RGS22: variants seen among roughly 807,000 people sequenced by gnomAD.
RGS22 encodes regulator of G-protein signaling 22.
A neutral mutation model predicts 172.9 loss-of-function variants in RGS22; 148 were observed. The observed-to-expected ratio is 0.86, with a 90% CI of 0.75 to 0.98. The LOEUF (loss-of-function observed/expected upper bound fraction) is 0.98, where lower values mean the gene tolerates loss of function less well. Ranked by LOEUF, RGS22 falls within the 50% of genes least tolerant of loss-of-function variation. The pLI, the probability that RGS22 is intolerant of heterozygous loss-of-function variation, is 0.00. For missense variants in RGS22, 1,347 were observed against 1,440.8 expected (o/e 0.93, Z 1.05); for synonymous variants, 458 against 480.2 (o/e 0.95, Z 0.60).
intron 22 of RGS22, among the ~76,000 whole-genome samples, chr8:99,980,124 C>A (rs2131195623): frequency 6.6e-6 from 1 of 152,114 alleles, no homozygotes; most frequent in East Asian, 1.9e-4. Flanking sequence ...GAGACAGGAT[C>A]TCACTATATT....
rs185001527 is a variant in RGS22 at position 100,052,751 on chromosome 8, C to T, written c.1689+51G>A. The T allele has an allele frequency of 4.3e-4, 642 of 1,494,618 alleles. 2 individuals are homozygous for T. Among genetic ancestry groups the T allele is most frequent in the Middle Eastern group, 1.2e-3 (7 of 5,764 alleles). The allele number at this position is 1,494,618 out of a possible 1,614,324, so 92.6% of individuals were successfully genotyped here. A position where few individuals can be genotyped will look rare whatever the true frequency, so the allele number is the denominator to read the frequency against. ...ATCAGTGCACAAACACTCAAGCATA[C>T]ATATTTTACTACAAACTTAGTAGAG... is the stretch of plus-strand genomic sequence containing the variant. On this transcript the variant is annotated intron_variant, in intron 10 of 27. Coordinates refer to ENST00000360863, the MANE Select transcript of RGS22 (RefSeq NM_015668.5).
chr8:100,008,231 T>C (rs1815948573), intron 15 of RGS22, 144 bp downstream of exon 15: 6 of 659,642 alleles, frequency 9.1e-6, no homozygotes, highest in African/African-American at 1.9e-5. Flanking sequence ...ACAGATGGGT[T>C]TTCACCACGT....
chr8:100,074,706 G>A (rs1427862561), intron 4 of RGS22, among the ~76,000 whole-genome samples: 2 of 152,016 alleles, frequency 1.3e-5, no homozygotes, highest in Non-Finnish European at 2.9e-5. Context: ...TTGTGATCAT[G>A]AATAAAGCAA....
At position 99,981,943 on chromosome 8, in the gene RGS22, C is replaced by A; in HGVS notation, c.3354G>T (p.Glu1118Asp). The change falls in exon 22 of 28, where the codon GAG becomes GAT. Residue 1118 changes from glutamate (E) to aspartate (D), a missense_variant. Coordinates refer to ENST00000360863, the MANE Select transcript of RGS22 (RefSeq NM_015668.5). ...RKELGPYVFREAQMTIFGVLF... is the reference protein window; with the variant it reads ...RKELGPYVFRDAQMTIFGVLF... ...ACATGCCCTGATCTCTTACCTGTGC[C>A]TCTCTAAATACATATGGTCCTAACT... The A allele has an allele frequency of 6.2e-7, 1 of 1,608,090 alleles. No individual in the cohort carries two copies. The highest frequency in any genetic ancestry group is 8.5e-7 in the Non-Finnish European group (1 of 1,177,646).
intron 23 of RGS22, among the ~76,000 whole-genome samples, chr8:99,971,404 G>A (rs548531406): frequency 1.3e-5 from 2 of 152,232 alleles, no homozygotes; most frequent in Non-Finnish European, 1.5e-5. Context: ...AAGAAATAAA[G>A]GGTATTCAAA....
intron 14 of RGS22, among the ~76,000 whole-genome samples, chr8:100,010,479 C>T (rs1367678353): frequency 6.6e-6 from 1 of 152,028 alleles, no homozygotes; most frequent in Non-Finnish European, 1.5e-5. Flanking sequence ...AGTGAGACTC[C>T]GTCTAAAAAA....
chr8:99,974,791 C>CT (rs1466192026), intron 23 of RGS22, among the ~76,000 whole-genome samples: 1 of 138,836 alleles, frequency 7.2e-6, no homozygotes, highest in African/African-American at 3.0e-5. Context: ...GAGCAAGACT[C>CT]TGTCAAAAAA....
chr8:100,051,485 A>T (rs1167035711), intron 10 of RGS22, among the ~76,000 whole-genome samples: 7 of 84,278 alleles, frequency 8.3e-5, no homozygotes, highest in African/African-American at 2.8e-4. Flanking sequence ...ATATATATTT[A>T]TATATAATAT....
chr8:100,041,556 T>A (rs926175908), intron 12 of RGS22, among the ~76,000 whole-genome samples: 1 of 151,906 alleles, frequency 6.6e-6, no homozygotes, highest in Non-Finnish European at 1.5e-5. Context: ...TCAAGTGTCA[T>A]CATACCAAAA....
chr8:100,066,296 C>G lies in RGS22; in HGVS notation c.595G>C (p.Ala199Pro). The change falls in exon 7 of 28, where the codon GCT (alanine) becomes CCT (proline). Residue 199 changes from alanine (A) to proline (P), a missense_variant and splice_region_variant. Physicochemically the swap from Ala to Pro is conservative, Grantham distance 27. Coordinates refer to ENST00000360863, the MANE Select transcript of RGS22 (RefSeq NM_015668.5). The part of the protein sequence containing the change: ...MKKFYVSLGE[A>P]SYTQTKDWFA... ...CAATCTTTTGTTTGAGTATAGGAAG[C>G]CTAGGAAGAAGGGAGCATATTAGTT... The G allele has an allele frequency of 6.2e-7, 1 of 1,612,302 alleles. No homozygotes were observed. The highest frequency in any genetic ancestry group is 8.5e-7 in the Non-Finnish European group (1 of 1,178,828).
chr8:100,046,497 AT>A (rs1036458461), intron 11 of RGS22: 7 of 151,214 alleles, frequency 4.6e-5, no homozygotes, highest in African/African-American at 1.7e-4. Context: ...CGGTGTTGCA[AT>A]TTAAAAAAAA....
In RGS22 at chr8:100,093,462, T is replaced by A; in HGVS notation, c.102A>T (p.Glu34Asp). The change falls in exon 3 of 28, where the codon GAA (glutamate) becomes GAT (aspartate). Residue 34 changes from glutamate (E) to aspartate (D), a missense_variant. Coordinates refer to ENST00000360863, the MANE Select transcript of RGS22 (RefSeq NM_015668.5). ...ATAAACTCACTGGAAGGCTTAGGAA[T>A]TCATTAAAGTAGTCTACAAGGAAAT... is the stretch of plus-strand genomic sequence containing the variant. ...TDDFLVDYFN[E>D]FLSLPTFSEA... The A allele has an allele frequency of 6.3e-7, 1 of 1,591,840 alleles. No homozygotes were observed. Among genetic ancestry groups the A allele is most frequent in the Non-Finnish European group, 8.6e-7 (1 of 1,165,928 alleles).
chr8:100,089,247 A>C (rs1182664713), intron 3 of RGS22, among the ~76,000 whole-genome samples: 1 of 151,122 alleles, frequency 6.6e-6, no homozygotes, highest in Non-Finnish European at 1.5e-5. Context: ...ATATTCTCAT[A>C]AGATGATTTT....
Position 100,063,687 on chromosome 8 carries a change from G to T in RGS22, c.1081C>A (p.His361Asn). 21 of 1,613,982 alleles carry T rather than the reference G, an allele frequency of 1.3e-5. No individual in the cohort carries two copies. Among genetic ancestry groups the T allele is most frequent in the Non-Finnish European group, 1.8e-5 (21 of 1,179,948 alleles). Reference protein sequence around the residue: ...VSFDDCFESIHGKNFLSELVQ... With the variant: ...VSFDDCFESINGKNFLSELVQ... The stretch of plus-strand genomic sequence containing the variant: ...AATTCACTTAAAAAATTCTTGCCAT[G>T]AATAGACTCAAAACAATCATCAAAT... Residue 361 changes from histidine (H) to asparagine (N), a missense_variant, in exon 8 of 28, where the codon CAT (histidine) becomes AAT (asparagine). His to Asn is a moderately conservative substitution (Grantham distance 68). Coordinates refer to ENST00000360863, the MANE Select transcript of RGS22 (RefSeq NM_015668.5).
intron 14 of RGS22, among the ~76,000 whole-genome samples, chr8:100,017,336 C>T (rs1817100970): frequency 6.6e-6 from 1 of 152,020 alleles, no homozygotes; most frequent in African/African-American, 2.4e-5. Context: ...GTGAGGTCAT[C>T]CAATCCATGG....
At chr8:99,976,400 T>C (rs371923952) in intron 23 of RGS22, among the ~76,000 whole-genome samples, 83 of 152,086 alleles carry the variant, frequency 5.5e-4, no homozygotes, top group South Asian at 1.2e-3. Context: ...CTTGCTCTGT[T>C]GCCCAGGCTG....
At chr8:100,001,876 C>T (rs1815128215) in intron 18 of RGS22, among the ~76,000 whole-genome samples, 1 of 152,138 alleles carries the variant, frequency 6.6e-6, no homozygotes, top group Admixed American at 6.6e-5. Context: ...ATCTTCTTCA[C>T]CACTTTATCT....
intron 4 of RGS22, 56 bp downstream of exon 4, chr8:100,080,078 T>C (rs1206674732): frequency 7.9e-7 from 1 of 1,270,168 alleles, no homozygotes. Context: ...TAAACTCATG[T>C]TAATTTCACC....
At chr8:99,996,899 CA>C (rs1234036063) in intron 19 of RGS22, among the ~76,000 whole-genome samples, 1 of 152,188 alleles carries the variant, frequency 6.6e-6, no homozygotes, top group Non-Finnish European at 1.5e-5. Flanking sequence ...AAAAGTTACT[CA>C]ACATGGAAAT....
Sources: gnomAD v4.1 joint callset for allele counts (sites outside exome capture counted in the v4.1 genomes callset) on GRCh38, gnomAD v4.1.1 for gene constraint, MANE v1.5 for transcripts, NCBI Gene and HGNC (gene_info 2026-07-23, HGNC 2026-07-21) for gene names.